The following CCDC175 variants were observed in gnomAD, a reference collection of about 807,000 sequenced individuals.
CCDC175 encodes the protein coiled-coil domain containing 175.
Under a neutral mutation model 114.6 loss-of-function variants are expected in CCDC175, and 100 were observed. The ratio of observed to expected loss-of-function variants is 0.87; its 90% CI spans 0.74 to 1.03. CCDC175 has a LOEUF of 1.03. Ranked by LOEUF, CCDC175 falls within the 50% of genes least tolerant of loss-of-function variation. CCDC175 has a pLI of 0.00. For synonymous variants in CCDC175, 306 were observed against 308.7 expected (o/e 0.99, Z 0.09); for missense variants, 880 against 917.8 (o/e 0.96, Z 0.53).
intron 7 of CCDC175, among the ~76,000 whole-genome samples, chr14:59,552,858 G>A (rs1031077071): frequency 4.2e-5 from 5 of 118,984 alleles, no homozygotes; most frequent in East Asian, 3.4e-4. Flanking sequence ...CTGGAAGAAA[G>A]GGTATCAGTG....
At chr14:59,559,700 A>G (rs1252278329) in intron 7 of CCDC175, among the ~76,000 whole-genome samples, 1 of 152,176 alleles carries the variant, frequency 6.6e-6, no homozygotes, top group Non-Finnish European at 1.5e-5. Context: ...AAAGAATACA[A>G]GGAACTTTCT....
At chr14:59,539,207 T>C (rs567029812) in intron 11 of CCDC175, among the ~76,000 whole-genome samples, 1 of 152,340 alleles carries the variant, frequency 6.6e-6, no homozygotes, top group East Asian at 1.9e-4. Flanking sequence ...GTGCTACTGA[T>C]AGATTTCAAA....
In CCDC175 at chr14:59,546,173, G is replaced by T. The variant is rs377028370; in HGVS notation, c.1036-874C>A. ...AAATCATATCCTTTCTAGCAACATG[G>T]GTGCACCTAGAGGCCATTATCCTAA... On this transcript the variant is annotated intron_variant, in intron 8 of 19. Transcript: ENST00000537690. Among the ~76,000 whole-genome samples the T allele has an allele frequency of 1.3e-4, 20 of 152,206 alleles. 2 individuals are homozygous for T. The highest frequency in any genetic ancestry group is 8.5e-4 in the Admixed American group (13 of 15,290).
chr14:59,574,879 G>T (rs999915278), intron 2 of CCDC175, 64 bp downstream of exon 2: 1 of 862,404 alleles, frequency 1.2e-6, no homozygotes, highest in Non-Finnish European at 1.8e-6. Context: ...GAATTGGTGC[G>T]AAATGAAAGT....
chr14:59,541,256 T>C (rs1894766393), intron 10 of CCDC175, among the ~76,000 whole-genome samples: 1 of 152,156 alleles, frequency 6.6e-6, no homozygotes, highest in African/African-American at 2.4e-5. Flanking sequence ...TCTGATTTGA[T>C]ATAATATACA....
intron 19 of CCDC175, 51 bp downstream of exon 19, chr14:59,510,595 A>G (rs1892684038): frequency 5.3e-6 from 8 of 1,500,996 alleles, no homozygotes; most frequent in South Asian, 1.2e-5. Context: ...CCAGCTATAT[A>G]GTAAAATAGC....
chr14:59,524,049 T>C (rs1462700903), intron 16 of CCDC175, among the ~76,000 whole-genome samples: 1 of 152,108 alleles, frequency 6.6e-6, no homozygotes, highest in African/African-American at 2.4e-5. Flanking sequence ...TTATTCCCAT[T>C]TTAAGAGGCC....
intron 3 of CCDC175, among the ~76,000 whole-genome samples, chr14:59,570,245 C>A (rs537514348): frequency 6.6e-6 from 1 of 152,082 alleles, no homozygotes; most frequent in South Asian, 2.1e-4. Context: ...GGAGAAGTTG[C>A]ACACACTGCA....
intron 8 of CCDC175, among the ~76,000 whole-genome samples, chr14:59,550,135 C>G (rs1164746023): frequency 3.3e-5 from 5 of 152,228 alleles, no homozygotes; most frequent in East Asian, 3.9e-4. Flanking sequence ...TCTCAAACCC[C>G]TGACCCCAGG....
intron 11 of CCDC175, 106 bp downstream of exon 11, chr14:59,540,569 T>C: frequency 1.7e-6 from 2 of 1,204,944 alleles, no homozygotes; most frequent in Non-Finnish European, 2.3e-6. Context: ...AATCATTCCC[T>C]TGGGTTCTAG....
In CCDC175 at chr14:59,565,260, C is replaced by T. The variant is rs757276609; in HGVS notation, c.507G>A (p.Glu169=). Residue 169 remains glutamate, a synonymous_variant, in exon 5 of 20, where the codon GAG becomes GAA. Coordinates refer to ENST00000537690, the MANE Select transcript of CCDC175 (RefSeq NM_001164399.2). ...CAAACCTTGCATGCTTCCTTGCTAGCTCTTCCTGCTTCTCCCTGGGAGGAA... is the reference window on the plus strand; with the variant it reads ...CAAACCTTGCATGCTTCCTTGCTAGTTCTTCCTGCTTCTCCCTGGGAGGAA... ...YNEALGEKQE[E]LARKHARFVL... The T allele has an allele frequency of 2.6e-6, 4 of 1,536,668 alleles. No homozygotes were observed. The South Asian group carries it at 3.6e-5, about 14-fold the overall frequency.
In CCDC175 at chr14:59,518,630, A is replaced by G. The variant is rs552600908; in HGVS notation, c.2098+2944T>C. ...AAACCACAATGAGATACCATCTCAC[A>G]CCAGTTAGAATGGCAATCATTAAAA... On this transcript the variant is annotated intron_variant, in intron 17 of 19. Coordinates refer to ENST00000537690, the MANE Select transcript of CCDC175 (RefSeq NM_001164399.2). Among the ~76,000 whole-genome samples the G allele has an allele frequency of 9.8e-5, 15 of 152,368 alleles. No homozygotes were observed. In the East Asian group the frequency reaches 2.5e-3, roughly 25 times the overall value.
intron 17 of CCDC175, among the ~76,000 whole-genome samples, chr14:59,515,537 C>T (rs1893027408): frequency 6.6e-6 from 1 of 152,098 alleles, no homozygotes; most frequent in Non-Finnish European, 1.5e-5. Flanking sequence ...ATAAAACAGA[C>T]TTTAAACCAA....
At chr14:59,561,989 G>A (rs1044529731) in intron 6 of CCDC175, among the ~76,000 whole-genome samples, 22 of 152,188 alleles carry the variant, frequency 1.4e-4, no homozygotes, top group African/African-American at 5.1e-4. Flanking sequence ...CACCTGTGGG[G>A]AGAATAGAGG....
intron 17 of CCDC175, among the ~76,000 whole-genome samples, chr14:59,516,070 G>T (rs578206480): frequency 6.6e-6 from 1 of 152,254 alleles, no homozygotes; most frequent in African/African-American, 2.4e-5. Context: ...AATGACTACT[G>T]GGTACATAAC....
chr14:59,525,923 G>A (rs1348822000), intron 15 of CCDC175, among the ~76,000 whole-genome samples: 1 of 152,132 alleles, frequency 6.6e-6, no homozygotes, highest in East Asian at 1.9e-4. Context: ...TCATACAAGG[G>A]ATTTGAGCAT....
chr14:59,521,658 T>C lies in CCDC175; in HGVS notation c.2014A>G (p.Asn672Asp), dbSNP rs774473757. Reference sequence around the variant, plus strand: ...CCTTCTCTGTATTTCTCTATGTTATTCTTCAAGTATAAAATATACTGAAAA... The same window carrying C: ...CCTTCTCTGTATTTCTCTATGTTATCCTTCAAGTATAAAATATACTGAAAA... ...KLKEYILYLK[N>D]NIEKYREGQE... The change falls in exon 17 of 20, where the codon AAT (asparagine) becomes GAT (aspartate). Residue 672 changes from asparagine (N) to aspartate (D), a missense_variant. By Grantham distance (23) the Asn-to-Asp change is conservative. Coordinates refer to ENST00000537690, the MANE Select transcript of CCDC175 (RefSeq NM_001164399.2). The C allele has an allele frequency of 4.6e-6, 7 of 1,519,990 alleles. No individual in the cohort carries two copies. Among genetic ancestry groups the C allele is most frequent in the Non-Finnish European group, 5.3e-6 (6 of 1,131,304 alleles). The allele number at this position is 1,519,990 out of a possible 1,614,324, so 94.2% of individuals were successfully genotyped here.
chr14:59,556,642 A>G (rs1895917282), intron 7 of CCDC175, among the ~76,000 whole-genome samples: 1 of 152,240 alleles, frequency 6.6e-6, no homozygotes, highest in Non-Finnish European at 1.5e-5. Flanking sequence ...GCTTCTGCAC[A>G]GCAAAAGAAA....
At chr14:59,508,399 TACACACACAC>T (rs71451066) in intron 19 of CCDC175, among the ~76,000 whole-genome samples, 1,040 of 97,376 alleles carry the variant, frequency 0.011, 13 homozygotes, top group Admixed American at 0.022. Context: ...GTCTCCAAAA[TACACACACAC>T]ACACACACAC....
Sources: allele counts gnomAD v4.1 joint callset (sites outside exome capture counted in the v4.1 genomes callset), GRCh38; gene constraint gnomAD v4.1.1; transcripts MANE v1.5; gene names NCBI Gene and HGNC (gene_info 2026-07-23, HGNC 2026-07-21).